The following PCP4L1 variants were observed in gnomAD, a reference collection of about 807,000 sequenced individuals.
PCP4L1 encodes the protein Purkinje cell protein 4 like 1.
A neutral mutation model predicts 9.6 loss-of-function variants in PCP4L1; 9 were observed. The ratio of observed to expected loss-of-function variants is 0.94; its 90% CI spans 0.57 to 1.64. PCP4L1 has a LOEUF of 1.64. PCP4L1 is among the 40% of genes most tolerant of loss of function. The pLI, the probability that PCP4L1 is intolerant of heterozygous loss-of-function variation, is 0.00. For missense variants in PCP4L1, 81 were observed against 80.8 expected, an observed-to-expected ratio of 1.00 and a Z score of -0.01; for synonymous variants, 31 against 28.2, an observed-to-expected ratio of 1.10 and a Z score of -0.31.
At chr1:161,276,824 T>C (rs1669708347) in intron 1 of PCP4L1, among the ~76,000 whole-genome samples, 1 of 151,874 alleles carries the variant, frequency 6.6e-6, no homozygotes, top group African/African-American at 2.4e-5. Flanking sequence ...ATTTGGACCA[T>C]ATAAAGTTAT....
intron 1 of PCP4L1, among the ~76,000 whole-genome samples, chr1:161,276,667 C>A (rs1669702417): frequency 1.5e-5 from 2 of 136,402 alleles, no homozygotes; most frequent in African/African-American, 5.6e-5. Context: ...GGTGACAAAG[C>A]AAGACTTATC....
chr1:161,277,634 C>A (rs1669720849), intron 1 of PCP4L1, among the ~76,000 whole-genome samples: 1 of 152,180 alleles, frequency 6.6e-6, no homozygotes, highest in African/African-American at 2.4e-5. Flanking sequence ...CCATTAACCC[C>A]CAATGTGCCC....
chr1:161,272,912 T>C (rs918271860), intron 1 of PCP4L1, among the ~76,000 whole-genome samples: 16 of 152,082 alleles, frequency 1.1e-4, no homozygotes, highest in Non-Finnish European at 7.4e-5. Context: ...GTGCTTCTCT[T>C]TCCTGGAAGT....
chr1:161,283,596 GTC>G (rs1571805106), intron 1 of PCP4L1, 70 bp from the exon 2 acceptor site: 1 of 1,392,056 alleles, frequency 7.2e-7, no homozygotes, highest in Non-Finnish European at 1.0e-6. Context: ...TATATAAGAG[GTC>G]TAAGGTGATG....
At chr1:161,268,186 A>G (rs1346305685) in intron 1 of PCP4L1, among the ~76,000 whole-genome samples, 4 of 152,054 alleles carry the variant, frequency 2.6e-5, no homozygotes, top group Admixed American at 6.6e-5. Flanking sequence ...CCAGAGGTTT[A>G]GAGCCATTCT....
chr1:161,282,820 G>A (rs534478027), intron 1 of PCP4L1, among the ~76,000 whole-genome samples: 7 of 152,036 alleles, frequency 4.6e-5, no homozygotes, highest in East Asian at 1.9e-4. Flanking sequence ...GCCATCTTTC[G>A]AATCAACAAA....
Position 161,268,551 on chromosome 1 carries a change from C to CTTTTTT in PCP4L1, c.9+9582_9+9587dup, listed in dbSNP as rs10654377. ...TACATTTTTCTCTGGTTCCTTTTACCTTTTTTTTTTTTTTTTTTTGAGATG... is the reference window on the plus strand; with the variant it reads ...TACATTTTTCTCTGGTTCCTTTTACCTTTTTTTTTTTTTTTTTTTTTTTTTGAGATG... On this transcript the variant is annotated intron_variant, in intron 1 of 2. Transcript: ENST00000504449. Among the ~76,000 whole-genome samples, 243 of 114,032 alleles carry CTTTTTT rather than the reference C, an allele frequency of 2.1e-3. 4 individuals are homozygous for CTTTTTT. Among genetic ancestry groups the CTTTTTT allele is most frequent in the Middle Eastern group, 5.6e-3 (1 of 178 alleles). 74.8% of individuals were successfully genotyped at this position (114,032 alleles called of 152,430 possible).
At chr1:161,259,203 G>A (rs1023792124) in intron 1 of PCP4L1, among the ~76,000 whole-genome samples, 1 of 152,152 alleles carries the variant, frequency 6.6e-6, no homozygotes, top group East Asian at 1.9e-4. Flanking sequence ...CGGCGCTTTT[G>A]GGGGTAATTG....
intron 1 of PCP4L1, among the ~76,000 whole-genome samples, chr1:161,272,210 T>C (rs560529183): frequency 4.0e-5 from 6 of 151,864 alleles, no homozygotes; most frequent in Non-Finnish European, 5.9e-5. Context: ...AAGCAAATTC[T>C]TCTAGATCCT....
intron 1 of PCP4L1, among the ~76,000 whole-genome samples, chr1:161,279,024 C>A (rs1029806268): frequency 1.3e-5 from 2 of 152,170 alleles, no homozygotes; most frequent in Admixed American, 1.3e-4. Flanking sequence ...CTCAAGCAAT[C>A]CGCCCACCTT....
intron 1 of PCP4L1, among the ~76,000 whole-genome samples, chr1:161,271,726 A>G (rs944317959): frequency 6.6e-6 from 1 of 152,102 alleles, no homozygotes; most frequent in African/African-American, 2.4e-5. Context: ...CTGGTCTCCA[A>G]TGCCTGACCT....
At chr1:161,264,906 T>A (rs551904633) in intron 1 of PCP4L1, among the ~76,000 whole-genome samples, 2 of 152,284 alleles carry the variant, frequency 1.3e-5, no homozygotes, top group African/African-American at 4.8e-5. Context: ...AGACCAACAT[T>A]AGATAATATT....
At chr1:161,259,043 C>G in intron 1 of PCP4L1, 60 bp downstream of exon 1, 2 of 1,518,306 alleles carry the variant, frequency 1.3e-6, no homozygotes, top group Non-Finnish European at 1.8e-6. Context: ...TGCTGCGGCT[C>G]GGGATCCCAG....
At chr1:161,267,666 C>T (rs1236740009) in intron 1 of PCP4L1, among the ~76,000 whole-genome samples, 2 of 152,100 alleles carry the variant, frequency 1.3e-5, no homozygotes, top group Non-Finnish European at 2.9e-5. Flanking sequence ...ACCAAAGTTG[C>T]TACCGTTTTG....
chr1:161,262,570 C>T (rs1434377716), intron 1 of PCP4L1, among the ~76,000 whole-genome samples: 1 of 152,100 alleles, frequency 6.6e-6, no homozygotes, highest in African/African-American at 2.4e-5. Flanking sequence ...TAGGCAGGAG[C>T]CTCTGACTGG....
chr1:161,284,697 G>A lies in PCP4L1; in HGVS notation c.*216G>A. The A allele has an allele frequency of 1.6e-6, 1 of 625,994 alleles. No homozygotes were observed. The allele number at this position is 625,994 out of a possible 1,614,324, so 38.8% of individuals were successfully genotyped here. On this transcript the variant is annotated 3_prime_UTR_variant, in exon 3 of 3. Transcript: ENST00000504449. ...CTTCAATCAGCAGTCACTAGTCTAA[G>A]GGTGGAACAATTTCTTCTTGGTATA...
intron 1 of PCP4L1, among the ~76,000 whole-genome samples, chr1:161,260,007 T>C (rs939583935): frequency 1.3e-5 from 2 of 152,222 alleles, no homozygotes; most frequent in African/African-American, 2.4e-5. Flanking sequence ...AGATAATATA[T>C]GCCAAATACT....
At chr1:161,284,286 G>C in intron 2 of PCP4L1, 53 bp from the exon 3 acceptor site, 1 of 1,611,234 alleles carries the variant, frequency 6.2e-7, no homozygotes, top group Non-Finnish European at 8.5e-7. Flanking sequence ...CCTGGAGAAA[G>C]GGTCTAGAGC....
chr1:161,259,014 A>G (rs1261874344), intron 1 of PCP4L1, 31 bp downstream of exon 1: 1 of 1,527,954 alleles, frequency 6.5e-7, no homozygotes, highest in Non-Finnish European at 8.7e-7. Flanking sequence ...CGCTGTCGGC[A>G]GGGCTGCGGC....
Sources: allele counts gnomAD v4.1 joint callset (sites outside exome capture counted in the v4.1 genomes callset), GRCh38; gene constraint gnomAD v4.1.1; transcripts MANE v1.5; gene names NCBI Gene and HGNC (gene_info 2026-07-23, HGNC 2026-07-21).